CUX1: variants seen among roughly 807,000 people sequenced by gnomAD.
CUX1 encodes protein CASP.
A neutral mutation model predicts 158.8 loss-of-function variants in CUX1; 31 were observed. That is an observed-to-expected ratio of 0.20 (90% CI 0.15 to 0.26). The LOEUF (loss-of-function observed/expected upper bound fraction) is 0.26, where lower values mean the gene tolerates loss of function less well. CUX1 is among the 10% of genes least tolerant of loss of function. The pLI is 1.00. For synonymous variants in CUX1, 879 were observed against 862.1 expected, an observed-to-expected ratio of 1.02 and a Z score of -0.34; for missense variants, 1,589 against 2,014.6, an observed-to-expected ratio of 0.79 and a Z score of 4.04.
chr7:102,139,495 C>T (rs1253789889), intron 8 of CUX1, among the ~76,000 whole-genome samples: 1 of 152,146 alleles, frequency 6.6e-6, no homozygotes, highest in Non-Finnish European at 1.5e-5. Context: ...TTTGGCTTGT[C>T]CATTAAGACT....
At chr7:101,949,398 G>A (rs761051700) in intron 2 of CUX1, among the ~76,000 whole-genome samples, 15 of 152,078 alleles carry the variant, frequency 9.9e-5, no homozygotes, top group Non-Finnish European at 1.9e-4. Context: ...CCAAAATGCC[G>A]GGATTACAGG....
intron 2 of CUX1, among the ~76,000 whole-genome samples, chr7:101,934,648 G>A (rs1181711902): frequency 3.9e-5 from 6 of 152,240 alleles, no homozygotes; most frequent in Non-Finnish European, 8.8e-5. Flanking sequence ...TGCCCGCTCC[G>A]TCCACGTCCT....
chr7:101,902,499 A>G (rs974226358), intron 1 of CUX1, among the ~76,000 whole-genome samples: 1 of 152,216 alleles, frequency 6.6e-6, no homozygotes, highest in Non-Finnish European at 1.5e-5. Context: ...TTTAACTTAG[A>G]TGAAATGTAA....
At chr7:102,137,043 C>G (rs570698385) in intron 8 of CUX1, among the ~76,000 whole-genome samples, 1 of 152,180 alleles carries the variant, frequency 6.6e-6, no homozygotes, top group African/African-American at 2.4e-5. Context: ...GACTGCATTA[C>G]CTACAAGTAG....
At chr7:102,126,145 C>G (rs562326610) in intron 8 of CUX1, among the ~76,000 whole-genome samples, 1 of 151,094 alleles carries the variant, frequency 6.6e-6, no homozygotes, top group East Asian at 1.9e-4. Context: ...TCCCGAGTAC[C>G]TGGGACTACA....
At chr7:102,058,036 C>A (rs1168875405) in intron 3 of CUX1, among the ~76,000 whole-genome samples, 2 of 152,112 alleles carry the variant, frequency 1.3e-5, no homozygotes, top group Non-Finnish European at 2.9e-5. Context: ...AGTCTAGCAG[C>A]CATCCAACAC....
At chr7:102,116,389 G>T (rs2131135344) in intron 8 of CUX1, among the ~76,000 whole-genome samples, 1 of 152,274 alleles carries the variant, frequency 6.6e-6, no homozygotes, top group East Asian at 1.9e-4. Context: ...CACTAGATCA[G>T]CTACTCTCTT....
At chr7:102,195,866 C>T (rs1038857132) in intron 14 of CUX1, among the ~76,000 whole-genome samples, 1 of 152,230 alleles carries the variant, frequency 6.6e-6, no homozygotes, top group Non-Finnish European at 1.5e-5. Flanking sequence ...CGGCTGGAAT[C>T]CCCGGGAGGG....
intron 2 of CUX1, among the ~76,000 whole-genome samples, chr7:102,012,403 G>T (rs1466022866): frequency 1.3e-5 from 2 of 152,146 alleles, no homozygotes; most frequent in African/African-American, 4.8e-5. Flanking sequence ...GGCCAGGCTG[G>T]TCTCGAACTC....
chr7:101,828,327 A>G (rs1793617136), intron 1 of CUX1, among the ~76,000 whole-genome samples: 1 of 152,162 alleles, frequency 6.6e-6, no homozygotes. Context: ...GTGGCCCCAC[A>G]CAGTTCAAAC....
At chr7:101,881,578 T>A (rs1268842795) in intron 1 of CUX1, among the ~76,000 whole-genome samples, 1 of 152,256 alleles carries the variant, frequency 6.6e-6, no homozygotes, top group African/African-American at 2.4e-5. Context: ...TCCCGTCCAA[T>A]ATGAATGCCC....
At chr7:101,921,793 A>G (rs1447173188) in intron 2 of CUX1, among the ~76,000 whole-genome samples, 1 of 152,202 alleles carries the variant, frequency 6.6e-6, no homozygotes, top group East Asian at 1.9e-4. Flanking sequence ...ATAACAACAA[A>G]TATAGGTAGT....
intron 4 of CUX1, among the ~76,000 whole-genome samples, chr7:102,077,824 G>A (rs927494419): frequency 5.3e-5 from 8 of 151,730 alleles, no homozygotes; most frequent in East Asian, 3.9e-4. Flanking sequence ...TGCATAATTC[G>A]TCAGTAATTA....
Position 102,201,253 on chromosome 7 carries a change from T to C in CUX1, c.2063-107T>C. 1 of 1,481,702 alleles carries C rather than the reference T, an allele frequency of 6.7e-7. No homozygotes were observed. The highest frequency in any genetic ancestry group is 9.1e-7 in the Non-Finnish European group (1 of 1,098,670). The allele number at this position is 1,481,702 out of a possible 1,614,324, so 91.8% of individuals were successfully genotyped here. Reference sequence around the variant, plus strand: ...ATGCTGGGGAAATACACAGTGTGGTTCTCCCAAATAACCCACACTTTGCAG... The same window carrying C: ...ATGCTGGGGAAATACACAGTGTGGTCCTCCCAAATAACCCACACTTTGCAG... On this transcript the variant is annotated intron_variant, in intron 17 of 23. Transcript: ENST00000292535. This position sits in a 1 kb window ranked among gnomAD's most constrained non-coding sequence, Gnocchi z 5.0.
intron 2 of CUX1, among the ~76,000 whole-genome samples, chr7:101,977,866 A>G (rs530319345): frequency 6.6e-6 from 1 of 152,320 alleles, no homozygotes; most frequent in Admixed American, 6.5e-5. Flanking sequence ...AAGCATGGTT[A>G]TATATGGGGG....
intron 14 of CUX1, among the ~76,000 whole-genome samples, chr7:102,267,051 A>C (rs1419707584): frequency 6.6e-6 from 1 of 152,064 alleles, no homozygotes; most frequent in African/African-American, 2.4e-5. Context: ...GGTGGGGGCC[A>C]GCACCTGCAG....
intron 3 of CUX1, among the ~76,000 whole-genome samples, chr7:102,048,332 C>T (rs775732905): frequency 6.6e-6 from 1 of 152,178 alleles, no homozygotes; most frequent in Non-Finnish European, 1.5e-5. Flanking sequence ...GTGTCCCCCA[C>T]CTGATGGGGT....
chr7:101,818,101 AGAC>A (rs1792080130), intron 1 of CUX1, among the ~76,000 whole-genome samples: 1 of 152,250 alleles, frequency 6.6e-6, no homozygotes, highest in Admixed American at 6.5e-5. Flanking sequence ...ACTAGGAAGA[AGAC>A]TATGCGAAAT....
At chr7:102,173,791 G>A (rs1455553872) in intron 10 of CUX1, among the ~76,000 whole-genome samples, 5 of 152,274 alleles carry the variant, frequency 3.3e-5, no homozygotes, top group Admixed American at 6.5e-5. Flanking sequence ...TTCATCATCG[G>A]TTAAGTGCCG....
Sources: gnomAD v4.1 joint callset for allele counts (sites outside exome capture counted in the v4.1 genomes callset) on GRCh38, gnomAD v4.1.1 for gene constraint, Gnocchi (gnomAD v3.1) non-coding constraint, MANE v1.5 for transcripts, NCBI Gene and HGNC (gene_info 2026-07-23, HGNC 2026-07-21) for gene names.